TRAPPC8: variants seen among roughly 807,000 people sequenced by gnomAD.
TRAPPC8 encodes the protein trafficking protein particle complex subunit 8.
Under a neutral mutation model 174.3 loss-of-function variants are expected in TRAPPC8, and 54 were observed. That is an observed-to-expected ratio of 0.31 (90% CI 0.25 to 0.39). The LOEUF (loss-of-function observed/expected upper bound fraction) is 0.39. Among genes scored for constraint, TRAPPC8 ranks in the 10% least tolerant of loss-of-function variants. The pLI, the probability that TRAPPC8 is intolerant of heterozygous loss-of-function variation, is 1.00. For missense variants in TRAPPC8, 1,531 were observed against 1,699.1 expected (o/e 0.90, Z 1.74); for synonymous variants, 630 against 579.9 (o/e 1.09, Z -1.24).
chr18:31,835,786 G>A (rs2144930299), intron 27 of TRAPPC8, among the ~76,000 whole-genome samples: 1 of 152,218 alleles, frequency 6.6e-6, no homozygotes, highest in Admixed American at 6.5e-5. Context: ...GAGGCTATTT[G>A]GTCAATGAAA....
intron 4 of TRAPPC8, among the ~76,000 whole-genome samples, chr18:31,914,149 AGG>A (rs2037035802): frequency 6.7e-6 from 1 of 148,742 alleles, no homozygotes. Context: ...AAAAAAAAAA[AGG>A]AGGAAAAACA....
intron 2 of TRAPPC8, among the ~76,000 whole-genome samples, chr18:31,928,732 C>A (rs2037730418): frequency 6.6e-6 from 1 of 152,150 alleles, no homozygotes; most frequent in South Asian, 2.1e-4. Flanking sequence ...TGTCTCCCTA[C>A]CAGATTATAA....
At chr18:31,878,468 T>A (rs896406733) in intron 12 of TRAPPC8, among the ~76,000 whole-genome samples, 6 of 152,132 alleles carry the variant, frequency 3.9e-5, no homozygotes, top group African/African-American at 7.2e-5. Flanking sequence ...AAGAAATTTG[T>A]CACCACCCGA....
intron 2 of TRAPPC8, among the ~76,000 whole-genome samples, chr18:31,927,089 T>A (rs1466554590): frequency 6.6e-6 from 1 of 152,172 alleles, no homozygotes; most frequent in Non-Finnish European, 1.5e-5. Context: ...ATTTTGTCTA[T>A]GTACACATAT....
chr18:31,874,384 T>C, intron 13 of TRAPPC8, 96 bp downstream of exon 13: 1 of 1,290,766 alleles, frequency 7.7e-7, no homozygotes, highest in South Asian at 1.3e-5. Context: ...ACTACATATA[T>C]TCTAATAAAA....
At chr18:31,861,513 G>A (rs928282640) in intron 19 of TRAPPC8, among the ~76,000 whole-genome samples, 10 of 152,174 alleles carry the variant, frequency 6.6e-5, no homozygotes, top group Admixed American at 6.5e-4. Context: ...AATTAGGGAT[G>A]AGGCTTAAAC....
At chr18:31,915,368 G>A (rs989863389) in intron 4 of TRAPPC8, among the ~76,000 whole-genome samples, 1 of 151,582 alleles carries the variant, frequency 6.6e-6, no homozygotes, top group African/African-American at 2.4e-5. Context: ...GGCTGAGGCA[G>A]GAGAATCGCT....
chr18:31,872,600 T>C (rs1156698845), intron 14 of TRAPPC8, among the ~76,000 whole-genome samples: 1 of 152,070 alleles, frequency 6.6e-6, no homozygotes, highest in Non-Finnish European at 1.5e-5. Flanking sequence ...TTTGTATTTT[T>C]AGTAGAGACA....
chr18:31,864,817 T>G, intron 18 of TRAPPC8, 36 bp from the exon 19 acceptor site: 1 of 1,571,410 alleles, frequency 6.4e-7, no homozygotes, highest in Non-Finnish European at 8.6e-7. Context: ...TAAAATAATT[T>G]GGTATGTTAA....
Position 31,849,739 on chromosome 18 carries a change from T to C in TRAPPC8, c.3562A>G (p.Ile1188Val). 6.3e-7 allele frequency: 1 copy of C among 1,587,878 alleles called. No individual in the cohort carries two copies. The highest frequency in any genetic ancestry group is 1.2e-5 in the South Asian group (1 of 85,958). Residue 1188 changes from isoleucine to valine, a missense_variant and splice_region_variant, in exon 25 of 29, where the codon ATA (isoleucine) becomes GTA (valine). Transcript: ENST00000283351. ...GCACATGGGCTTGCTGAACTTATTA[T>C]CTGTTAAAAGAAAATCACTTGTGTT... Reference protein sequence around the residue: ...FADIIFGNEQIISSASPCADF... With the variant: ...FADIIFGNEQVISSASPCADF...
Position 31,847,693 on chromosome 18 carries a change from G to A in TRAPPC8, c.3736-876C>T, listed in dbSNP as rs185779139. On this transcript the variant is annotated intron_variant, in intron 25 of 28. Coordinates refer to ENST00000283351, the MANE Select transcript of TRAPPC8 (RefSeq NM_014939.5). ...ATTTGCAAAACCCAGAAAGGCAGGA[G>A]AAGTTAAACACCTGATAGGGTAATG... 5.9e-5 allele frequency among the ~76,000 whole-genome samples: 9 copies of A among 152,206 alleles called. 1 individual carries two copies. The East Asian group carries it at 1.5e-3, about 26-fold the overall frequency.
At position 31,873,443 on chromosome 18, in the gene TRAPPC8, T is replaced by C. The variant is rs146860500; in HGVS notation, c.2049A>G (p.Arg683=). The change falls in exon 14 of 29, where the codon AGA becomes AGG. Residue 683 remains arginine, a synonymous_variant. Transcript: ENST00000283351. ...AACTTTACTAACCATCCGCTGGTCG[T>C]CTGTCATGGCCAAAAAAAACCCGTG... The part of the protein sequence containing the change: ...SATRVFFGHD[R]RPADGEKQAA... 2.3e-5 allele frequency: 37 copies of C among 1,612,762 alleles called. No homozygotes were observed. The highest frequency in any genetic ancestry group is 3.0e-5 in the Non-Finnish European group (35 of 1,179,422).
intron 26 of TRAPPC8, chr18:31,844,726 A>C (rs192570716): frequency 2.0e-5 from 3 of 151,668 alleles, no homozygotes; most frequent in Middle Eastern, 6.8e-3. Context: ...AAAAAAAAAA[A>C]AAAAGAAAAG....
chr18:31,831,035 A>G, intron 28 of TRAPPC8, 46 bp from the exon 29 acceptor site: 2 of 1,536,004 alleles, frequency 1.3e-6, no homozygotes, highest in Non-Finnish European at 1.8e-6. Context: ...TTTCTTTTTA[A>G]TTTTTTTCCC....
chr18:31,847,140 T>C (rs1568039286), intron 25 of TRAPPC8, among the ~76,000 whole-genome samples: 2 of 152,238 alleles, frequency 1.3e-5, no homozygotes. Context: ...GTTTTCTTTA[T>C]TGAACTACCA....
chr18:31,858,556 T>C (rs2034155732), intron 19 of TRAPPC8, among the ~76,000 whole-genome samples: 1 of 152,210 alleles, frequency 6.6e-6, no homozygotes, highest in Non-Finnish European at 1.5e-5. Flanking sequence ...TTCTTTCCCA[T>C]TTAGTGTGAT....
In TRAPPC8 at chr18:31,897,824, A is replaced by C; in HGVS notation, c.1558T>G (p.Ser520Ala). Residue 520 changes from serine to alanine, a missense_variant, in exon 11 of 29, where the codon TCA (serine) becomes GCA (alanine). Physicochemically the swap from Ser to Ala is moderately conservative, Grantham distance 99. Coordinates refer to ENST00000283351, the MANE Select transcript of TRAPPC8 (RefSeq NM_014939.5). ...AELLKSQSKY[S>A]EAAALLIRLT... ...CGTATTAGGAGAGCTGCAGCCTCTGAATATTTGCTTTGGCTTTTTAAAAGT... is the reference window on the plus strand; with the variant it reads ...CGTATTAGGAGAGCTGCAGCCTCTGCATATTTGCTTTGGCTTTTTAAAAGT... 6.2e-7 allele frequency: 1 copy of C among 1,611,666 alleles called. No homozygotes were observed. Among genetic ancestry groups the C allele is most frequent in the Non-Finnish European group, 8.5e-7 (1 of 1,178,470 alleles).
At chr18:31,870,693 A>G (rs889640304) in intron 15 of TRAPPC8, among the ~76,000 whole-genome samples, 191 bp from the exon 16 acceptor site, 1 of 152,104 alleles carries the variant, frequency 6.6e-6, no homozygotes, top group Non-Finnish European at 1.5e-5. Context: ...AGATTTCCCC[A>G]ATTTCTCTGT....
intron 19 of TRAPPC8, among the ~76,000 whole-genome samples, chr18:31,861,934 AAAG>A (rs1393362514): frequency 1.7e-5 from 1 of 58,890 alleles, no homozygotes; most frequent in African/African-American, 6.9e-5. Flanking sequence ...AGAAAAAAAA[AAAG>A]GGGGGGGGGG....
Sources: allele counts gnomAD v4.1 joint callset (sites outside exome capture counted in the v4.1 genomes callset), GRCh38; gene constraint gnomAD v4.1.1; transcripts MANE v1.5; gene names NCBI Gene and HGNC (gene_info 2026-07-23, HGNC 2026-07-21).